Variants in PTPRG observed in about 807,000 individuals in gnomAD.
PTPRG encodes protein tyrosine phosphatase receptor type G, also known as receptor-type tyrosine-protein phosphatase gamma.
Under a neutral mutation model 165.3 loss-of-function variants are expected in PTPRG, and 102 were observed. The ratio of observed to expected loss-of-function variants is 0.62; its 90% CI spans 0.53 to 0.73. The LOEUF (loss-of-function observed/expected upper bound fraction) is 0.73, where lower values mean the gene tolerates loss of function less well. Among genes scored for constraint, PTPRG ranks in the 30% least tolerant of loss-of-function variants. PTPRG has a pLI of 0.00. For missense variants in PTPRG, 1,866 were observed against 1,861.4 expected, an observed-to-expected ratio of 1.00 and a Z score of -0.05; for synonymous variants, 675 against 669.5, an observed-to-expected ratio of 1.01 and a Z score of -0.13.
At chr3:62,218,268 A>G (rs1263716926) in intron 12 of PTPRG, among the ~76,000 whole-genome samples, 4 of 152,208 alleles carry the variant, frequency 2.6e-5, no homozygotes, top group Admixed American at 1.3e-4. Context: ...TGATTGTCCC[A>G]CCATGACTGT....
At chr3:62,188,417 ATTCTAT>A (rs753122822) in intron 8 of PTPRG, among the ~76,000 whole-genome samples, 14 of 152,290 alleles carry the variant, frequency 9.2e-5, no homozygotes, top group South Asian at 2.1e-4. Context: ...TCCACATCCT[ATTCTAT>A]TTCTATCAAT....
At position 61,562,250 on chromosome 3, in the gene PTPRG, C is replaced by T. The variant is rs373215703; in HGVS notation, c.-38C>T. ...GGCAAGAACTTATTCAACAAGTTTA[C>T]CTCCCTGCTTTCCTCTTTTCGATGT... On this transcript the variant is annotated 5_prime_UTR_variant, in exon 1 of 30. Transcript: ENST00000474889. 115 of 1,586,158 alleles carry T rather than the reference C, an allele frequency of 7.3e-5. No homozygotes were observed. The highest frequency in any genetic ancestry group is 4.8e-4 in the Admixed American group (29 of 59,976).
Position 61,822,991 on chromosome 3 carries a change from T to C in PTPRG, c.190+74009T>C, listed in dbSNP as rs560735091. On this transcript the variant is annotated intron_variant, in intron 2 of 29. Coordinates refer to ENST00000474889, the MANE Select transcript of PTPRG (RefSeq NM_002841.4). ...GAACAAGTGAGTGTTAATTCTCCAC[T>C]CTGACTGGGGGCCAACATCCCTTTG... 2.6e-5 allele frequency among the ~76,000 whole-genome samples: 4 copies of C among 152,334 alleles called. No homozygotes were observed. In the East Asian group the frequency reaches 7.7e-4, roughly 29 times the overall value.
At chr3:62,167,935 T>C (rs1705059059) in intron 7 of PTPRG, 36 bp from the exon 8 acceptor site, 2 of 1,559,238 alleles carry the variant, frequency 1.3e-6, no homozygotes, top group South Asian at 1.1e-5. Flanking sequence ...TGTGTTGTTT[T>C]TTTTTTCCCC....
At position 61,912,356 on chromosome 3, in the gene PTPRG, A is replaced by G. The variant is rs145681013; in HGVS notation, c.191-77269A>G. Reference sequence around the variant, plus strand: ...AAGGTAGGAGGAATTTGCATAATGAAGAGGGTGTTTTCTTGGTTCCCTTTT... The same window carrying G: ...AAGGTAGGAGGAATTTGCATAATGAGGAGGGTGTTTTCTTGGTTCCCTTTT... On this transcript the variant is annotated intron_variant, in intron 2 of 29. Coordinates refer to ENST00000474889, the MANE Select transcript of PTPRG (RefSeq NM_002841.4). Among the ~76,000 whole-genome samples, 682 of 152,206 alleles carry G rather than the reference A, an allele frequency of 4.5e-3. 3 individuals are homozygous for G. Among genetic ancestry groups the G allele is most frequent in the African/African-American group, 0.016 (654 of 41,526 alleles).
At chr3:61,898,480 G>A (rs1182635869) in intron 2 of PTPRG, among the ~76,000 whole-genome samples, 3 of 152,118 alleles carry the variant, frequency 2.0e-5, no homozygotes, top group African/African-American at 7.2e-5. Flanking sequence ...ATCTCTAGAG[G>A]TTATGCTTTA....
intron 4 of PTPRG, among the ~76,000 whole-genome samples, chr3:62,057,639 G>T (rs1165823133): frequency 6.6e-6 from 1 of 152,218 alleles, no homozygotes; most frequent in African/African-American, 2.4e-5. Context: ...CCAGAGCAGT[G>T]CCCTGGACAG....
chr3:61,872,102 G>A (rs1469587279), intron 2 of PTPRG, among the ~76,000 whole-genome samples: 2 of 152,166 alleles, frequency 1.3e-5, no homozygotes, highest in African/African-American at 4.8e-5. Flanking sequence ...TTTTCAAAAT[G>A]TCTTGTTATG....
At chr3:62,182,501 G>T (rs1705696548) in intron 8 of PTPRG, among the ~76,000 whole-genome samples, 1 of 152,172 alleles carries the variant, frequency 6.6e-6, no homozygotes, top group African/African-American at 2.4e-5. Context: ...CAAAACCTCT[G>T]TTTTACGGAG....
chr3:61,634,328 C>G (rs1701845612), intron 1 of PTPRG, among the ~76,000 whole-genome samples: 1 of 151,876 alleles, frequency 6.6e-6, no homozygotes, highest in Non-Finnish European at 1.5e-5. Flanking sequence ...GCCTCCGCCT[C>G]CCAGGTTCAA....
chr3:61,690,619 C>A (rs1296352378), intron 1 of PTPRG, among the ~76,000 whole-genome samples: 1 of 152,176 alleles, frequency 6.6e-6, no homozygotes, highest in Non-Finnish European at 1.5e-5. Flanking sequence ...TAGATTCGTC[C>A]ATCCTCCTTC....
At chr3:62,106,294 T>A (rs1159266423) in intron 5 of PTPRG, among the ~76,000 whole-genome samples, 4 of 152,266 alleles carry the variant, frequency 2.6e-5, no homozygotes, top group African/African-American at 9.6e-5. Context: ...AACATCACAG[T>A]TGGGTAGCAC....
At chr3:61,696,867 C>T (rs886361143) in intron 1 of PTPRG, among the ~76,000 whole-genome samples, 1 of 152,150 alleles carries the variant, frequency 6.6e-6, no homozygotes, top group Non-Finnish European at 1.5e-5. Context: ...TTAAATATTG[C>T]CTTCTCCACT....
At chr3:61,891,115 T>C (rs1488921162) in intron 2 of PTPRG, among the ~76,000 whole-genome samples, 1 of 151,972 alleles carries the variant, frequency 6.6e-6, no homozygotes, top group African/African-American at 2.4e-5. Context: ...GTCAAGAGTT[T>C]GAGACCAGCC....
At chr3:61,614,261 GTAAT>G (rs1163826600) in intron 1 of PTPRG, among the ~76,000 whole-genome samples, 4 of 152,116 alleles carry the variant, frequency 2.6e-5, no homozygotes, top group South Asian at 2.1e-4. Context: ...CAATGGCAGA[GTAAT>G]TAAGTATAGT....
At chr3:62,062,144 A>G (rs1700837090) in intron 4 of PTPRG, among the ~76,000 whole-genome samples, 1 of 151,916 alleles carries the variant, frequency 6.6e-6, no homozygotes, top group Non-Finnish European at 1.5e-5. Flanking sequence ...TACTAAAAAT[A>G]TAAAATTAGC....
At chr3:62,281,335 C>T (rs1311300135) in intron 26 of PTPRG, among the ~76,000 whole-genome samples, 2 of 151,870 alleles carry the variant, frequency 1.3e-5, no homozygotes, top group African/African-American at 4.8e-5. Flanking sequence ...TTTCAGGTTG[C>T]TACACTAACA....
chr3:61,810,008 G>A (rs894850875), intron 2 of PTPRG, among the ~76,000 whole-genome samples: 3 of 152,180 alleles, frequency 2.0e-5, no homozygotes, highest in Non-Finnish European at 4.4e-5. Flanking sequence ...AGCTGCAATG[G>A]GGGGCTGGGA....
chr3:62,019,359 C>CA (rs1421312493), intron 4 of PTPRG, among the ~76,000 whole-genome samples: 1 of 151,724 alleles, frequency 6.6e-6, no homozygotes, highest in African/African-American at 2.4e-5. Context: ...CCATCTCTAC[C>CA]AAAAATACAA....
Sources: gnomAD v4.1 joint callset for allele counts (sites outside exome capture counted in the v4.1 genomes callset) on GRCh38, gnomAD v4.1.1 for gene constraint, MANE v1.5 for transcripts, NCBI Gene and HGNC (gene_info 2026-07-23, HGNC 2026-07-21) for gene names.